EFHB: variants seen among roughly 807,000 people sequenced by gnomAD.
EFHB encodes the protein EF-hand domain family member B.
EFHB carries 91 observed loss-of-function variants against 87.2 expected under a neutral mutation model. The observed-to-expected ratio is 1.04, with a 90% CI of 0.88 to 1.24. The LOEUF is 1.24. Among genes scored for constraint, EFHB ranks in the 50% most tolerant of loss-of-function variants. EFHB has a pLI of 0.00. For missense variants in EFHB, 1,084 were observed against 998.8 expected, an observed-to-expected ratio of 1.09 and a Z score of -1.15; for synonymous variants, 325 against 333.6, an observed-to-expected ratio of 0.97 and a Z score of 0.28.
intron 9 of EFHB, among the ~76,000 whole-genome samples, chr3:19,891,126 G>T (rs1242496998): frequency 6.6e-6 from 1 of 152,130 alleles, no homozygotes; most frequent in Non-Finnish European, 1.5e-5. Flanking sequence ...GAATGCAGTG[G>T]CACAATCATA....
intron 9 of EFHB, chr3:19,896,430 T>C (rs537940559): frequency 2.5e-5 from 13 of 524,342 alleles, no homozygotes; most frequent in African/African-American, 2.3e-4. Context: ...AAGGGGCAAA[T>C]AGTAAATATT....
chr3:19,890,394 G>A (rs1480061986), intron 9 of EFHB, among the ~76,000 whole-genome samples: 1 of 152,142 alleles, frequency 6.6e-6, no homozygotes, highest in Non-Finnish European at 1.5e-5. Flanking sequence ...ACATTTTTAT[G>A]GTTTGGATAC....
chr3:19,939,697 T>C (rs1219134059), intron 1 of EFHB, among the ~76,000 whole-genome samples: 1 of 150,604 alleles, frequency 6.6e-6, no homozygotes, highest in Non-Finnish European at 1.5e-5. Flanking sequence ...GGTCTCCCTC[T>C]TTCATGCTCC....
At chr3:19,908,416 C>T (rs1694911297) in intron 5 of EFHB, among the ~76,000 whole-genome samples, 1 of 151,798 alleles carries the variant, frequency 6.6e-6, no homozygotes, top group African/African-American at 2.4e-5. Flanking sequence ...GCCTGTAATC[C>T]CAGCTACTTG....
At position 19,934,124 on chromosome 3, in the gene EFHB, A is replaced by G; in HGVS notation, c.-106T>C. 2 of 1,464,044 alleles carry G rather than the reference A, an allele frequency of 1.4e-6. No homozygotes were observed. The highest frequency in any genetic ancestry group is 1.4e-5 in the South Asian group (1 of 70,064). The allele number at this position is 1,464,044 out of a possible 1,614,324, so 90.7% of individuals were successfully genotyped here. Reference sequence around the variant, plus strand: ...CAATCCCTTGCGGAACCCCTCTCTCAGGAAAGAGCACAACCTCACTCGGAC... The same window carrying G: ...CAATCCCTTGCGGAACCCCTCTCTCGGGAAAGAGCACAACCTCACTCGGAC... On this transcript the variant is annotated 5_prime_UTR_variant, in exon 1 of 13. Transcript: ENST00000295824.
chr3:19,930,589 C>A (rs1370791176), intron 1 of EFHB, among the ~76,000 whole-genome samples: 1 of 152,062 alleles, frequency 6.6e-6, no homozygotes, highest in East Asian at 1.9e-4. Flanking sequence ...TTCTTAATGT[C>A]CAAAGTTAAT....
chr3:19,921,555 A>G (rs1312058291), intron 1 of EFHB, among the ~76,000 whole-genome samples: 3 of 152,128 alleles, frequency 2.0e-5, no homozygotes, highest in Admixed American at 2.0e-4. Context: ...AAGTGTGTGG[A>G]GTCCAAGGTC....
chr3:19,919,185 C>G (rs1035975980), intron 3 of EFHB, among the ~76,000 whole-genome samples: 2 of 151,804 alleles, frequency 1.3e-5, no homozygotes, highest in African/African-American at 4.8e-5. Context: ...GTCACCAAGA[C>G]AGTCTTTTTT....
intron 5 of EFHB, among the ~76,000 whole-genome samples, chr3:19,911,365 C>A (rs1695056151): frequency 6.6e-6 from 1 of 151,302 alleles, no homozygotes; most frequent in African/African-American, 2.4e-5. Context: ...AGTTCAAGAC[C>A]AGCCTGGCCA....
In EFHB at chr3:19,901,841, T is replaced by C. The variant is rs1440165408; in HGVS notation, c.1419-2326A>G. On this transcript the variant is annotated intron_variant, in intron 6 of 12. Transcript: ENST00000295824. Reference sequence around the variant, plus strand: ...GATGGGCACCTGTAATCCCAGCTACTTGGGAGGCTGAGGCAGGAGAATCGC... The same window carrying C: ...GATGGGCACCTGTAATCCCAGCTACCTGGGAGGCTGAGGCAGGAGAATCGC... 2.0e-5 allele frequency among the ~76,000 whole-genome samples: 3 copies of C among 151,884 alleles called. No homozygotes were observed. In the East Asian group the frequency reaches 5.8e-4, roughly 29 times the overall value.
chr3:19,936,393 T>C, upstream of EFHB: 1 of 506,868 alleles, frequency 2.0e-6, no homozygotes, highest in East Asian at 3.1e-5. Flanking sequence ...GTGAGACCTA[T>C]CCCTACAAAA....
At chr3:19,912,043 G>A (rs1267034059) in intron 5 of EFHB, among the ~76,000 whole-genome samples, 1 of 151,980 alleles carries the variant, frequency 6.6e-6, no homozygotes, top group African/African-American at 2.4e-5. Context: ...TATTCAAAGG[G>A]ATAACAGAGA....
rs576675164 is a variant in EFHB, at chr3:19,894,468, T to C, written c.1725+2219A>G. ...ATGATTACTCAATAAATAGCAGAAT[T>C]AATTTCATAAGCCAAGAAGATTCAT... On this transcript the variant is annotated intron_variant, in intron 9 of 12. Coordinates refer to ENST00000295824, the MANE Select transcript of EFHB (RefSeq NM_144715.4). 191 of 152,342 alleles carry C rather than the reference T, an allele frequency of 1.3e-3. 1 individual carries two copies. Among genetic ancestry groups the C allele is most frequent in the African/African-American group, 4.4e-3 (182 of 41,578 alleles). The allele number at this position is 152,342 out of a possible 1,614,324, so 9.4% of individuals were successfully genotyped here. A position where few individuals can be genotyped will look rare whatever the true frequency, so the allele number is the denominator to read the frequency against.
At chr3:19,921,409 G>T (rs188400219) in intron 1 of EFHB, among the ~76,000 whole-genome samples, 2 of 152,030 alleles carry the variant, frequency 1.3e-5, no homozygotes, top group African/African-American at 4.8e-5. Context: ...AAAAAAAATG[G>T]GAGAAAATAT....
upstream of EFHB, among the ~76,000 whole-genome samples, chr3:19,936,721 A>G (rs1467946135): frequency 6.6e-6 from 1 of 151,944 alleles, no homozygotes; most frequent in East Asian, 1.9e-4. Flanking sequence ...TACAAAAATG[A>G]GCTGGACATG....
intron 5 of EFHB, among the ~76,000 whole-genome samples, chr3:19,906,370 G>T (rs1192877410): frequency 1.3e-5 from 2 of 151,846 alleles, no homozygotes; most frequent in African/African-American, 4.8e-5. Flanking sequence ...TAAAGTCAAA[G>T]AATACAAAAT....
chr3:19,916,177 A>T (rs1435141418), intron 4 of EFHB, among the ~76,000 whole-genome samples: 1 of 152,132 alleles, frequency 6.6e-6, no homozygotes, highest in Non-Finnish European at 1.5e-5. Flanking sequence ...AAATTTTGGC[A>T]GTTTTAGATG....
chr3:19,938,776 C>T (rs142866670), upstream of EFHB, among the ~76,000 whole-genome samples: 5 of 152,288 alleles, frequency 3.3e-5, no homozygotes, highest in African/African-American at 4.8e-5. Context: ...ATTGGACCTC[C>T]GTGATCCAGT....
At chr3:19,930,262 A>G (rs1695785628) in intron 1 of EFHB, among the ~76,000 whole-genome samples, 1 of 152,198 alleles carries the variant, frequency 6.6e-6, no homozygotes, top group Admixed American at 6.5e-5. Context: ...CATCTTAAAA[A>G]TTATTTTTAA....
Sources: allele counts gnomAD v4.1 joint callset (sites outside exome capture counted in the v4.1 genomes callset), GRCh38; gene constraint gnomAD v4.1.1; transcripts MANE v1.5; gene names NCBI Gene and HGNC (gene_info 2026-07-23, HGNC 2026-07-21).